The following BRAP variants were observed in gnomAD, a reference collection of about 807,000 sequenced individuals.
The protein encoded by BRAP is BRCA1-associated protein.
In BRAP, 42 loss-of-function variants were observed where a neutral mutation model predicts 73.4. The observed-to-expected ratio is 0.57, with a 90% CI of 0.45 to 0.74. BRAP has a LOEUF of 0.74. Ranked by LOEUF, BRAP falls within the 30% of genes least tolerant of loss-of-function variation. BRAP has a pLI of 0.00. For synonymous variants in BRAP, 255 were observed against 267.4 expected, an observed-to-expected ratio of 0.95 and a Z score of 0.45; for missense variants, 593 against 751.4, an observed-to-expected ratio of 0.79 and a Z score of 2.46.
At chr12:111,658,655 C>T in intron 9 of BRAP, 81 bp downstream of exon 9, 2 of 1,147,948 alleles carry the variant, frequency 1.7e-6, no homozygotes, top group Admixed American at 2.4e-5. Flanking sequence ...AATGTACATC[C>T]AGGTAAATGA....
intron 9 of BRAP, among the ~76,000 whole-genome samples, chr12:111,658,221 T>C: frequency 6.6e-6 from 1 of 151,018 alleles, no homozygotes; most frequent in Non-Finnish European, 1.5e-5. Context: ...TGTGAGCCAC[T>C]GCACCCAGCT....
chr12:111,647,890 CA>C (rs762255909), intron 11 of BRAP, among the ~76,000 whole-genome samples: 111 of 123,698 alleles, frequency 9.0e-4, no homozygotes, highest in African/African-American at 1.7e-3. Flanking sequence ...AACTCCGTCT[CA>C]AAAAAAAAAA....
intron 10 of BRAP, among the ~76,000 whole-genome samples, chr12:111,650,555 C>T (rs777642605): frequency 1.4e-4 from 22 of 152,138 alleles, no homozygotes; most frequent in Non-Finnish European, 2.2e-4. Flanking sequence ...CGTGAGCCAC[C>T]GTGCCCGGCC....
Position 111,644,002 on chromosome 12 carries a change from A to G in BRAP, c.*197T>C, listed in dbSNP as rs746417654. On this transcript the variant is annotated 3_prime_UTR_variant, in exon 12 of 12. Transcript: ENST00000419234. ...GAACTCTTAAGACCTTTTCGAACGC[A>G]GCGCCTTTCTATCAGCTCTCCAGTC... The G allele has an allele frequency of 3.1e-5, 26 of 849,108 alleles. No homozygotes were observed. The highest frequency in any genetic ancestry group is 4.2e-5 in the Non-Finnish European group (24 of 573,100). The allele number at this position is 849,108 out of a possible 1,614,324, so 52.6% of individuals were successfully genotyped here.
In BRAP at chr12:111,655,670, A is replaced by G. The variant is rs1189325012; in HGVS notation, c.1222-15T>C. On this transcript the variant is annotated splice_polypyrimidine_tract_variant and intron_variant, in intron 9 of 11. Coordinates refer to ENST00000419234, the MANE Select transcript of BRAP (RefSeq NM_006768.5). ...AAATATGAATACTAGAAACATAGAG[A>G]ATAAAGACCAAAATGTAAGTCACTG... is the stretch of plus-strand genomic sequence containing the variant. 6.4e-7 allele frequency: 1 copy of G among 1,572,108 alleles called. No individual in the cohort carries two copies. The highest frequency in any genetic ancestry group is 8.8e-7 in the Non-Finnish European group (1 of 1,142,438).
intron 3 of BRAP, among the ~76,000 whole-genome samples, chr12:111,680,383 A>G (rs1887554108): frequency 6.6e-6 from 1 of 152,098 alleles, no homozygotes; most frequent in Non-Finnish European, 1.5e-5. Context: ...CTGCAAACTC[A>G]CTTGACAGCT....
In BRAP at chr12:111,642,687, A is replaced by G. The variant is rs972358636; in HGVS notation, c.*1512T>C. 7 of 152,338 alleles carry G rather than the reference A, an allele frequency of 4.6e-5. No individual in the cohort carries two copies. The highest frequency in any genetic ancestry group is 1.7e-4 in the African/African-American group (7 of 41,584). 9.4% of individuals were successfully genotyped at this position (152,338 alleles called of 1,614,324 possible). A position where few individuals can be genotyped will look rare whatever the true frequency, so the allele number is the denominator to read the frequency against. ...AGGAAAGAGAATTAGGTTATGCTTTACATTCCCACTCTTAAGATATCTGTA... is the reference window on the plus strand; with the variant it reads ...AGGAAAGAGAATTAGGTTATGCTTTGCATTCCCACTCTTAAGATATCTGTA... On this transcript the variant is annotated 3_prime_UTR_variant, in exon 12 of 12. Transcript: ENST00000419234.
chr12:111,661,736 G>A (rs1243453196), intron 6 of BRAP, among the ~76,000 whole-genome samples: 6 of 143,956 alleles, frequency 4.2e-5, no homozygotes, highest in Non-Finnish European at 9.0e-5. Flanking sequence ...TTGTGAGACA[G>A]AGTCCTGCTC....
chr12:111,647,930 G>A (rs1886169246), intron 11 of BRAP, among the ~76,000 whole-genome samples: 1 of 151,940 alleles, frequency 6.6e-6, no homozygotes, highest in Non-Finnish European at 1.5e-5. Context: ...TTAGCCAGGG[G>A]TGGTGGTGCA....
In BRAP at chr12:111,678,380, C is replaced by T. The variant is rs529965575; in HGVS notation, c.633+771G>A. 5.3e-5 allele frequency among the ~76,000 whole-genome samples: 8 copies of T among 151,896 alleles called. No homozygotes were observed. The East Asian group carries it at 5.8e-4, about 11-fold the overall frequency. On this transcript the variant is annotated intron_variant, in intron 4 of 11. Coordinates refer to ENST00000419234, the MANE Select transcript of BRAP (RefSeq NM_006768.5). The stretch of plus-strand genomic sequence containing the variant: ...CGCTTGTTTAAAAAAACAAACAGGC[C>T]GGGCATGATGGCTCACGCCTGTAAT...
At position 111,644,369 on chromosome 12, in the gene BRAP, T is replaced by C. The variant is rs1467391636; in HGVS notation, c.1609A>G (p.Met537Val). ...TTCTGCTGTGTCTCCAGGTAGAACA[T>C]GACGTCACGCAGCTGCTCCTGGATC... Reference protein sequence around the residue: ...TEIQEQLRDVMFYLETQQKIN... With the variant: ...TEIQEQLRDVVFYLETQQKIN... Residue 537 changes from methionine (M) to valine (V), a missense_variant, in exon 12 of 12, where the codon ATG becomes GTG. Met to Val is a conservative substitution (Grantham distance 21). Coordinates refer to ENST00000419234, the MANE Select transcript of BRAP (RefSeq NM_006768.5). 2 of 1,613,754 alleles carry C rather than the reference T, an allele frequency of 1.2e-6. No individual in the cohort carries two copies. Among genetic ancestry groups the C allele is most frequent in the Admixed American group, 3.3e-5 (2 of 59,918 alleles).
At chr12:111,649,309 T>C (rs1427676134) in intron 11 of BRAP, among the ~76,000 whole-genome samples, 2 of 152,108 alleles carry the variant, frequency 1.3e-5, no homozygotes, top group African/African-American at 4.8e-5. Flanking sequence ...TGCGCCACCA[T>C]GCCCAGCTCA....
intron 5 of BRAP, chr12:111,669,861 G>C: frequency 1.6e-6 from 1 of 635,102 alleles, no homozygotes. Flanking sequence ...TAATTGTCTT[G>C]GTCATTGACA....
At chr12:111,676,020 A>G (rs558147893) in intron 4 of BRAP, among the ~76,000 whole-genome samples, 2 of 152,060 alleles carry the variant, frequency 1.3e-5, no homozygotes, top group Admixed American at 1.3e-4. Flanking sequence ...ATTGGTAAGC[A>G]CACCCCCCCT....
intron 4 of BRAP, among the ~76,000 whole-genome samples, chr12:111,673,744 T>C (rs1295051051): frequency 1.3e-5 from 2 of 152,150 alleles, no homozygotes; most frequent in Admixed American, 6.6e-5. Context: ...GGGCCCAAGA[T>C]GAACCAGCCT....
chr12:111,676,208 A>G (rs1887374431), intron 4 of BRAP, among the ~76,000 whole-genome samples: 1 of 152,176 alleles, frequency 6.6e-6, no homozygotes, highest in African/African-American at 2.4e-5. Flanking sequence ...GCTAAGGCCA[A>G]CAGAAATTCA....
intron 9 of BRAP, among the ~76,000 whole-genome samples, chr12:111,658,140 G>C (rs1394368587): frequency 6.6e-6 from 1 of 151,732 alleles, no homozygotes; most frequent in Non-Finnish European, 1.5e-5. Context: ...ATGTTGGCCA[G>C]GTTGGTCTTG....
chr12:111,651,719 C>A (rs1886333459), intron 10 of BRAP, among the ~76,000 whole-genome samples: 1 of 144,954 alleles, frequency 6.9e-6, no homozygotes, highest in African/African-American at 2.5e-5. Flanking sequence ...CTCACTACAA[C>A]CTCCAACTCC....
intron 6 of BRAP, among the ~76,000 whole-genome samples, chr12:111,662,094 T>C (rs1490518306): frequency 6.6e-6 from 1 of 152,046 alleles, no homozygotes; most frequent in African/African-American, 2.4e-5. Flanking sequence ...AAAAAGCCAA[T>C]AAAAACAATG....
Sources: gnomAD v4.1 joint callset for allele counts (sites outside exome capture counted in the v4.1 genomes callset) on GRCh38, gnomAD v4.1.1 for gene constraint, MANE v1.5 for transcripts, NCBI Gene and HGNC (gene_info 2026-07-23, HGNC 2026-07-21) for gene names.